TACR3: variants seen among roughly 807,000 people sequenced by gnomAD.
TACR3 encodes the protein tachykinin receptor 3.
A neutral mutation model predicts 35.0 loss-of-function variants in TACR3; 34 were observed. That is an observed-to-expected ratio of 0.97 (90% CI 0.74 to 1.30). TACR3 has a LOEUF of 1.30. Ranked by LOEUF, TACR3 falls within the 50% of genes most tolerant of loss-of-function variation. TACR3 has a pLI of 0.00. For synonymous variants in TACR3, 233 were observed against 221.1 expected (o/e 1.05, Z -0.48); for missense variants, 558 against 591.7 (o/e 0.94, Z 0.59).
intron 1 of TACR3, among the ~76,000 whole-genome samples, chr4:103,658,680 C>A (rs1187760146): frequency 6.6e-6 from 1 of 152,094 alleles, no homozygotes; most frequent in Non-Finnish European, 1.5e-5. Context: ...GAACACCCAT[C>A]TCTTGGGGTA....
intron 1 of TACR3, among the ~76,000 whole-genome samples, chr4:103,701,559 C>T (rs1234171043): frequency 1.3e-5 from 2 of 152,174 alleles, no homozygotes; most frequent in East Asian, 1.9e-4. Context: ...CTTTATAGTA[C>T]ATATGGAACC....
At chr4:103,613,060 T>A (rs1724547498) in intron 3 of TACR3, among the ~76,000 whole-genome samples, 1 of 152,120 alleles carries the variant, frequency 6.6e-6, no homozygotes, top group Non-Finnish European at 1.5e-5. Flanking sequence ...ATATTGCAAA[T>A]CTAATTAATA....
chr4:103,628,042 A>G (rs1255359913), intron 3 of TACR3, among the ~76,000 whole-genome samples: 2 of 152,216 alleles, frequency 1.3e-5, no homozygotes, highest in African/African-American at 4.8e-5. Flanking sequence ...CTCCCGAATG[A>G]CTACTGGGTA....
chr4:103,610,620 C>CT (rs1174663569), intron 3 of TACR3, among the ~76,000 whole-genome samples: 8 of 152,138 alleles, frequency 5.3e-5, no homozygotes, highest in African/African-American at 1.9e-4. Flanking sequence ...TGTACAAAAG[C>CT]TTTTTAGTTT....
chr4:103,600,612 C>T (rs891922506), intron 3 of TACR3, among the ~76,000 whole-genome samples: 1 of 152,096 alleles, frequency 6.6e-6, no homozygotes, highest in African/African-American at 2.4e-5. Context: ...TATAAATTTC[C>T]CTCTGCACAC....
chr4:103,658,210 C>T lies in TACR3; in HGVS notation c.737+5G>A, dbSNP rs1324850686. The T allele has an allele frequency of 6.2e-7, 1 of 1,613,506 alleles. No homozygotes were observed. The highest frequency in any genetic ancestry group is 8.5e-7 in the Non-Finnish European group (1 of 1,179,610). ...ATTGAAAACCATAATAGAGAATTAA[C>T]TTACGTGAAATGTTGTTTGGGACCT... On this transcript the variant is annotated splice_donor_5th_base_variant and intron_variant, in intron 2 of 4. Transcript: ENST00000304883.
chr4:103,610,891 C>T (rs1189009296), intron 3 of TACR3, among the ~76,000 whole-genome samples: 1 of 152,114 alleles, frequency 6.6e-6, no homozygotes, highest in African/African-American at 2.4e-5. Flanking sequence ...GTCCTTTCCC[C>T]AATGTGTGTT....
chr4:103,715,842 A>G (rs1196098760), intron 1 of TACR3, among the ~76,000 whole-genome samples: 1 of 152,182 alleles, frequency 6.6e-6, no homozygotes, highest in Non-Finnish European at 1.5e-5. Context: ...TAACTGTTCT[A>G]TTAATAATTT....
intron 3 of TACR3, among the ~76,000 whole-genome samples, chr4:103,630,038 C>T (rs1315287853): frequency 1.3e-5 from 2 of 152,034 alleles, no homozygotes; most frequent in African/African-American, 2.4e-5. Flanking sequence ...TAACACCGCA[C>T]ATCTACAACC....
intron 3 of TACR3, among the ~76,000 whole-genome samples, chr4:103,637,048 A>T (rs1043341649): frequency 6.6e-6 from 1 of 152,186 alleles, no homozygotes; most frequent in African/African-American, 2.4e-5. Flanking sequence ...AAACTATTCC[A>T]ATCAATAGCA....
chr4:103,683,453 G>A (rs114648677), intron 1 of TACR3, among the ~76,000 whole-genome samples: 903 of 46,232 alleles, frequency 0.02, 13 homozygotes, highest in African/African-American at 0.079. Context: ...AATTGATAAC[G>A]CACTAGAAAG....
At chr4:103,653,323 A>G (rs1379547404) in intron 3 of TACR3, among the ~76,000 whole-genome samples, 1 of 152,036 alleles carries the variant, frequency 6.6e-6, no homozygotes, top group Non-Finnish European at 1.5e-5. Context: ...TAAAAAAAAA[A>G]TCCCTCTTCC....
chr4:103,690,282 A>G (rs1218088442), intron 1 of TACR3, among the ~76,000 whole-genome samples: 1 of 152,146 alleles, frequency 6.6e-6, no homozygotes, highest in African/African-American at 2.4e-5. Context: ...ATGTAAAACA[A>G]CAGAAAAGCT....
At chr4:103,608,580 T>C (rs1724438347) in intron 3 of TACR3, among the ~76,000 whole-genome samples, 2 of 152,076 alleles carry the variant, frequency 1.3e-5, no homozygotes, top group Non-Finnish European at 2.9e-5. Flanking sequence ...ATGTTTTCAT[T>C]GGTTATAATG....
intron 1 of TACR3, among the ~76,000 whole-genome samples, chr4:103,686,660 C>G (rs1026265566): frequency 3.9e-5 from 6 of 152,076 alleles, no homozygotes; most frequent in Non-Finnish European, 7.4e-5. Context: ...AACCCATATG[C>G]AGAGATAAAT....
At chr4:103,598,885 CATG>C (rs1724114342) in intron 3 of TACR3, among the ~76,000 whole-genome samples, 1 of 152,128 alleles carries the variant, frequency 6.6e-6, no homozygotes, top group African/African-American at 2.4e-5. Context: ...AGTCAGGTAG[CATG>C]ATGCCTCCAG....
At chr4:103,651,302 C>T (rs1725613875) in intron 3 of TACR3, among the ~76,000 whole-genome samples, 1 of 150,398 alleles carries the variant, frequency 6.6e-6, no homozygotes, top group Non-Finnish European at 1.5e-5. Flanking sequence ...ATTCAAACCA[C>T]AAGAATCAGT....
At chr4:103,706,524 T>C (rs2110227463) in intron 1 of TACR3, among the ~76,000 whole-genome samples, 1 of 151,682 alleles carries the variant, frequency 6.6e-6, no homozygotes, top group Non-Finnish European at 1.5e-5. Context: ...TGTGTATATA[T>C]ACACACACAT....
At chr4:103,636,527 C>T (rs887930022) in intron 3 of TACR3, among the ~76,000 whole-genome samples, 1 of 151,928 alleles carries the variant, frequency 6.6e-6, no homozygotes, top group Non-Finnish European at 1.5e-5. Context: ...TACAATAATA[C>T]AATTCAGTGG....
Sources: allele counts gnomAD v4.1 joint callset (sites outside exome capture counted in the v4.1 genomes callset), GRCh38; gene constraint gnomAD v4.1.1; transcripts MANE v1.5; gene names NCBI Gene and HGNC (gene_info 2026-07-23, HGNC 2026-07-21).